The following CELF4 variants were observed in gnomAD, a reference collection of about 807,000 sequenced individuals.
CELF4 encodes the protein CUGBP Elav-like family member 4.
In CELF4, 18 loss-of-function variants were observed where a neutral mutation model predicts 59.9. That is an observed-to-expected ratio of 0.30 (90% CI 0.21 to 0.45). The LOEUF is 0.45. Ranked by LOEUF, CELF4 falls within the 20% of genes least tolerant of loss-of-function variation. The pLI, the probability that CELF4 is intolerant of heterozygous loss-of-function variation, is 1.00. For synonymous variants in CELF4, 261 were observed against 267.1 expected (o/e 0.98, Z 0.22); for missense variants, 456 against 689.0 (o/e 0.66, Z 3.79).
chr18:37,464,054 G>A lies in CELF4; in HGVS notation c.369+21471C>T, dbSNP rs1330509882. Among the ~76,000 whole-genome samples, 64 of 152,140 alleles carry A rather than the reference G, an allele frequency of 4.2e-4. 1 individual carries two copies. The highest frequency in any genetic ancestry group is 4.1e-3 in the Admixed American group (63 of 15,270). ...GGCTGCCCTCCCTGAAAGGCCCCCA[G>A]CCTTGTGGCGTATTTACAGAAATGC... On this transcript the variant is annotated intron_variant, in intron 2 of 12. Coordinates refer to ENST00000420428, the MANE Select transcript of CELF4 (RefSeq NM_020180.4).
At chr18:37,351,022 C>T (rs1004122533) in intron 2 of CELF4, among the ~76,000 whole-genome samples, 3 of 152,210 alleles carry the variant, frequency 2.0e-5, no homozygotes, top group South Asian at 2.1e-4. Flanking sequence ...CTACCCACCT[C>T]CCCCCTTCTT....
rs1439750642 is a variant in CELF4, at chr18:37,245,748, GTA to G, written c.*45-553_*45-552del. Among the ~76,000 whole-genome samples, 1 of 152,094 alleles carries G rather than the reference GTA, an allele frequency of 6.6e-6. No homozygotes were observed. The highest frequency in any genetic ancestry group is 2.4e-5 in the African/African-American group (1 of 41,410). On this transcript the variant is annotated intron_variant, in intron 12 of 12. Transcript: ENST00000420428. This position sits in a 1 kb window ranked among gnomAD's most constrained non-coding sequence, Gnocchi z 4.1. The stretch of plus-strand genomic sequence containing the variant: ...GGTCAGTAACTATTTGCGAGGCTGT[GTA>G]TATATATGTATATCTGGATATATGT...
At chr18:37,256,517 C>A (rs2069567860) in intron 11 of CELF4, among the ~76,000 whole-genome samples, 1 of 152,180 alleles carries the variant, frequency 6.6e-6, no homozygotes. Context: ...TTGAGGCTCA[C>A]AGGGTTAAAT....
rs1047470396 is a variant in CELF4, at chr18:37,458,705, G to A, written c.369+26820C>T. 1.2e-4 allele frequency among the ~76,000 whole-genome samples: 19 copies of A among 152,056 alleles called. 1 individual carries two copies. Among genetic ancestry groups the A allele is most frequent in the Admixed American group, 9.8e-4 (15 of 15,272 alleles). ...TGTAGAGTCTGTTGTTTGCAGAACC[G>A]GGCATCACATGCAGAGCTCATCACT... On this transcript the variant is annotated intron_variant, in intron 2 of 12. Transcript: ENST00000420428.
At chr18:37,282,817 G>A (rs1454980884) in intron 3 of CELF4, among the ~76,000 whole-genome samples, 4 of 152,164 alleles carry the variant, frequency 2.6e-5, no homozygotes, top group East Asian at 1.9e-4. Flanking sequence ...GGGTCACCAC[G>A]GGCCAGGTCT....
chr18:37,425,770 C>A (rs931194562), intron 2 of CELF4, among the ~76,000 whole-genome samples: 1 of 152,246 alleles, frequency 6.6e-6, no homozygotes, highest in Admixed American at 6.5e-5. Flanking sequence ...AGCTGCTTGG[C>A]GAAAGCCCTT....
chr18:37,339,005 G>A (rs1236825520), intron 2 of CELF4, among the ~76,000 whole-genome samples: 1 of 152,212 alleles, frequency 6.6e-6, no homozygotes, highest in Non-Finnish European at 1.5e-5. Context: ...CATCCATCCT[G>A]GTCCCAGAGC....
chr18:37,426,779 T>C (rs917523519), intron 2 of CELF4, among the ~76,000 whole-genome samples: 10 of 152,164 alleles, frequency 6.6e-5, no homozygotes, highest in African/African-American at 2.4e-4. Flanking sequence ...GCCGCTGCCA[T>C]GTGCGGTTTG....
At chr18:37,385,977 T>A (rs1250304522) in intron 2 of CELF4, among the ~76,000 whole-genome samples, 1 of 152,278 alleles carries the variant, frequency 6.6e-6, no homozygotes, top group Non-Finnish European at 1.5e-5. Flanking sequence ...AAAGTTTAGA[T>A]TTAAGAATTA....
At chr18:37,458,159 G>T (rs1437703472) in intron 2 of CELF4, among the ~76,000 whole-genome samples, 1 of 152,216 alleles carries the variant, frequency 6.6e-6, no homozygotes, top group African/African-American at 2.4e-5. Flanking sequence ...GTCATGAAGT[G>T]GGGGTGGCAG....
At chr18:37,565,324 C>G (rs1430315575) in intron 1 of CELF4, 32 bp downstream of exon 1, 1 of 1,467,890 alleles carries the variant, frequency 6.8e-7, no homozygotes, top group African/African-American at 1.4e-5. Context: ...CTCCTGCTCC[C>G]CGGCAAAGTT....
At chr18:37,381,009 T>C (rs1174776526) in intron 2 of CELF4, among the ~76,000 whole-genome samples, 1 of 151,088 alleles carries the variant, frequency 6.6e-6, no homozygotes, top group Non-Finnish European at 1.5e-5. Context: ...CCACCATCCA[T>C]CCATCTATCC....
At chr18:37,560,192 C>T (rs2099986123) in intron 1 of CELF4, among the ~76,000 whole-genome samples, 1 of 152,182 alleles carries the variant, frequency 6.6e-6, no homozygotes, top group African/African-American at 2.4e-5. Context: ...TCTAGGCCAG[C>T]CCTGGTTTCC....
chr18:37,385,598 C>A (rs770816064), intron 2 of CELF4, among the ~76,000 whole-genome samples: 2 of 152,276 alleles, frequency 1.3e-5, no homozygotes, highest in Non-Finnish European at 2.9e-5. Flanking sequence ...GCCCACAATA[C>A]CCTCTTGCCT....
intron 2 of CELF4, among the ~76,000 whole-genome samples, chr18:37,459,867 T>G (rs544631401): frequency 4.6e-5 from 7 of 152,170 alleles, no homozygotes; most frequent in Admixed American, 6.6e-5. Flanking sequence ...AACTTGTTTT[T>G]TGTGTGTGTG....
chr18:37,351,402 C>T (rs2098438176), intron 2 of CELF4, among the ~76,000 whole-genome samples: 1 of 152,120 alleles, frequency 6.6e-6, no homozygotes, highest in Non-Finnish European at 1.5e-5. Flanking sequence ...CCTGTTCAGG[C>T]CCACGGGCCC....
intron 2 of CELF4, among the ~76,000 whole-genome samples, chr18:37,397,972 C>G (rs2099266299): frequency 6.6e-6 from 1 of 152,178 alleles, no homozygotes; most frequent in Non-Finnish European, 1.5e-5. Flanking sequence ...CACCCTCTAT[C>G]CTGACGATAG....
intron 2 of CELF4, among the ~76,000 whole-genome samples, chr18:37,424,498 C>A (rs908766052): frequency 1.3e-5 from 2 of 152,162 alleles, no homozygotes; most frequent in Non-Finnish European, 2.9e-5. Context: ...CTTGGAGGGT[C>A]GTGGCCTAGC....
chr18:37,269,092 C>G (rs1299063068), intron 8 of CELF4, among the ~76,000 whole-genome samples: 1 of 152,066 alleles, frequency 6.6e-6, no homozygotes, highest in African/African-American at 2.4e-5. Flanking sequence ...TGAAGCCACC[C>G]AGATGTGCTG....
Sources: allele counts gnomAD v4.1 joint callset (sites outside exome capture counted in the v4.1 genomes callset), GRCh38; gene constraint gnomAD v4.1.1; non-coding constraint Gnocchi (gnomAD v3.1); transcripts MANE v1.5; gene names NCBI Gene and HGNC (gene_info 2026-07-23, HGNC 2026-07-21).